BCLAF3: variants seen among roughly 807,000 people sequenced by gnomAD.
BCLAF3 encodes the protein transient octamer binding factor 1.
BCLAF3 carries 24 observed loss-of-function variants against 51.2 expected under a neutral mutation model. That is an observed-to-expected ratio of 0.47 (90% CI 0.34 to 0.66). The LOEUF is 0.66. Ranked by LOEUF, BCLAF3 falls within the 30% of genes least tolerant of loss-of-function variation. The pLI is 0.01. For missense variants in BCLAF3, 465 were observed against 525.1 expected, an observed-to-expected ratio of 0.89 and a Z score of 1.12; for synonymous variants, 152 against 176.6, an observed-to-expected ratio of 0.86 and a Z score of 1.10.
intron 1 of BCLAF3, among the ~76,000 whole-genome samples, chrX:19,985,868 G>C (rs2072784125): frequency 9.0e-6 from 1 of 111,090 alleles, no homozygotes; most frequent in Admixed American, 9.7e-5. Flanking sequence ...GATTGCTTGA[G>C]CCCAGGAGGT....
At chrX:19,920,585 C>T (rs187344495) in intron 11 of BCLAF3, among the ~76,000 whole-genome samples, 196 of 110,951 alleles carry the variant, frequency 1.8e-3, no homozygotes, top group African/African-American at 6.0e-3. Context: ...TTTGGGAGGC[C>T]GAGGTGGGTG....
intron 1 of BCLAF3, among the ~76,000 whole-genome samples, chrX:19,982,168 C>T (rs911213092): frequency 9.0e-6 from 1 of 111,517 alleles, no homozygotes; most frequent in Non-Finnish European, 1.9e-5. Context: ...TCAGGCTGGG[C>T]GTGGTGGCTC....
chrX:19,985,076 AG>A (rs2072753169), intron 1 of BCLAF3: 1 of 111,862 alleles, frequency 8.9e-6, no homozygotes. Context: ...AGTCAAGTGA[AG>A]TAGCGGGAGT....
At chrX:19,951,014 T>G in intron 7 of BCLAF3, 146 bp from the exon 8 acceptor site, 1 of 375,811 alleles carries the variant, frequency 2.7e-6, no homozygotes, top group Non-Finnish European at 4.6e-6. Flanking sequence ...ACAAATATTT[T>G]GAGACACAAT....
intron 1 of BCLAF3, among the ~76,000 whole-genome samples, chrX:19,971,903 A>G (rs1230780678): frequency 8.9e-6 from 1 of 112,385 alleles, no homozygotes; most frequent in Non-Finnish European, 1.9e-5. Context: ...CACAGATACA[A>G]AAAGTACAAT....
At chrX:19,918,604 G>A (rs1312136383) in intron 11 of BCLAF3, among the ~76,000 whole-genome samples, 6 of 93,265 alleles carry the variant, frequency 6.4e-5, no homozygotes, top group African/African-American at 2.1e-4. Flanking sequence ...GCAGTGGTGC[G>A]ATCTTGGCTC....
chrX:19,928,713 C>T (rs184872878), intron 11 of BCLAF3, among the ~76,000 whole-genome samples: 95 of 111,381 alleles, frequency 8.5e-4, no homozygotes, highest in African/African-American at 3.0e-3. Context: ...AAAGAAAATG[C>T]ATATATATAC....
At chrX:19,948,043 T>G (rs954896079) in intron 8 of BCLAF3, among the ~76,000 whole-genome samples, 3 of 112,400 alleles carry the variant, frequency 2.7e-5, no homozygotes, top group Non-Finnish European at 5.6e-5. Context: ...AGTGAGAGAT[T>G]AATAAGAAGA....
chrX:19,970,254 G>C lies in BCLAF3; in HGVS notation c.11C>G (p.Ser4Ter). 8.3e-7 allele frequency: 1 copy of C among 1,211,430 alleles called. No individual in the cohort carries two copies. Among genetic ancestry groups the C allele is most frequent in the Non-Finnish European group, 1.1e-6 (1 of 895,055 alleles). Residue 4 changes from serine (S) to a stop codon, truncating the protein, a stop_gained, in exon 2 of 12, where the codon TCA (serine) becomes TGA (stop). Transcript: ENST00000379682. LOFTEE classifies it high-confidence loss of function. MAR[S>*]RSRSPRWKHR... Reference sequence around the variant, plus strand: ...TTTCCACCTGGGGGATCTAGATCGTGACCGTGCCATCCTTTGACACGTGAG... The same window carrying C: ...TTTCCACCTGGGGGATCTAGATCGTCACCGTGCCATCCTTTGACACGTGAG...
At chrX:19,945,940 G>A (rs1455919397) in intron 8 of BCLAF3, among the ~76,000 whole-genome samples, 1 of 108,794 alleles carries the variant, frequency 9.2e-6, no homozygotes, top group Non-Finnish European at 1.9e-5. Flanking sequence ...CGTGGGCGTA[G>A]GACCCTCCGA....
intron 2 of BCLAF3, 93 bp from the exon 3 acceptor site, chrX:19,966,742 C>A: frequency 1.4e-6 from 1 of 725,263 alleles, no homozygotes; most frequent in Non-Finnish European, 2.0e-6. Context: ...TCCTAGGATC[C>A]CTCGGCTTCT....
chrX:19,932,099 GTTC>G (rs1216048412), intron 10 of BCLAF3, among the ~76,000 whole-genome samples: 2 of 111,912 alleles, frequency 1.8e-5, no homozygotes, highest in Non-Finnish European at 3.8e-5. Context: ...CCAAATGTGT[GTTC>G]TTTTTTTTAA....
Position 19,940,025 on chromosome X carries a change from T to C in BCLAF3, c.1746-2493A>G, listed in dbSNP as rs192034692. Among the ~76,000 whole-genome samples, 11 of 112,089 alleles carry C rather than the reference T, an allele frequency of 9.8e-5. No individual in the cohort carries two copies. In the East Asian group the frequency reaches 3.1e-3, roughly 31 times the overall value. On this transcript the variant is annotated intron_variant, in intron 8 of 11. Transcript: ENST00000379682. ...GATAGTGGTGGTGATTGTACAACAC[T>C]GTGAATATACTCAATGTCAATGAAT...
chrX:19,969,733 G>A (rs767855858), intron 2 of BCLAF3, among the ~76,000 whole-genome samples: 3 of 111,537 alleles, frequency 2.7e-5, no homozygotes, highest in African/African-American at 9.8e-5. Flanking sequence ...CCTGTAGCAG[G>A]TGTACAATAA....
intron 10 of BCLAF3, 160 bp downstream of exon 10, chrX:19,935,646 TCAA>T (rs1334266970): frequency 2.2e-6 from 1 of 452,661 alleles, no homozygotes; most frequent in Non-Finnish European, 3.9e-6. Flanking sequence ...AAAGGGGTCA[TCAA>T]CAAATTGGTT....
At chrX:19,945,271 G>C (rs1445847883) in intron 8 of BCLAF3, among the ~76,000 whole-genome samples, 1 of 108,337 alleles carries the variant, frequency 9.2e-6, no homozygotes, top group African/African-American at 3.4e-5. Context: ...TCTTCTCTCA[G>C]CTCGTCAAAG....
Position 19,915,879 on chromosome X carries a change from A to G in BCLAF3, c.*1426T>C, listed in dbSNP as rs1162739728. 1.8e-5 allele frequency: 2 copies of G among 111,993 alleles called. No individual in the cohort carries two copies. The highest frequency in any genetic ancestry group is 9.5e-5 in the Admixed American group (1 of 10,475). 9.2% of individuals were successfully genotyped at this position (111,993 alleles called of 1,213,427 possible). On this transcript the variant is annotated 3_prime_UTR_variant, in exon 12 of 12. Transcript: ENST00000379682. Reference sequence around the variant, plus strand: ...TGTGTGCATGCATTTCTTTCTTACCATAAGTGGAATGCTAAATATGTTTGG... The same window carrying G: ...TGTGTGCATGCATTTCTTTCTTACCGTAAGTGGAATGCTAAATATGTTTGG...
rs1440529841 is a variant in BCLAF3 at position 19,915,588 on chromosome X, G to A, written c.*1717C>T. The A allele has an allele frequency of 2.7e-5, 3 of 111,534 alleles. No individual in the cohort carries two copies. The highest frequency in any genetic ancestry group is 6.5e-5 in the African/African-American group (2 of 30,697). 9.2% of individuals were successfully genotyped at this position (111,534 alleles called of 1,213,427 possible). A position where few individuals can be genotyped will look rare whatever the true frequency, so the allele number is the denominator to read the frequency against. On this transcript the variant is annotated 3_prime_UTR_variant, in exon 12 of 12. Transcript: ENST00000379682. ...TAAATAAAAAGCGAGCTATAAAGGC[G>A]ATTTACCAAGTTATATTTCTGTTTA... is the stretch of plus-strand genomic sequence containing the variant.
chrX:19,944,972 TTC>T (rs1450931343), intron 8 of BCLAF3, among the ~76,000 whole-genome samples: 3 of 100,646 alleles, frequency 3.0e-5, no homozygotes, highest in East Asian at 6.1e-4. Flanking sequence ...CTTTGCTCAT[TTC>T]TTTTTATTCT....
Sources: allele counts gnomAD v4.1 joint callset (sites outside exome capture counted in the v4.1 genomes callset), GRCh38; gene constraint gnomAD v4.1.1; transcripts MANE v1.5; gene names NCBI Gene and HGNC (gene_info 2026-07-23, HGNC 2026-07-21).